The following GRXCR1 variants were observed in gnomAD, a reference collection of about 807,000 sequenced individuals.
GRXCR1 encodes glutaredoxin domain-containing cysteine-rich protein 1.
Under a neutral mutation model 27.3 loss-of-function variants are expected in GRXCR1, and 27 were observed. The observed-to-expected ratio is 0.99, with a 90% CI of 0.73 to 1.37. GRXCR1 has a LOEUF of 1.37. GRXCR1 is among the 40% of genes most tolerant of loss of function. The pLI, the probability that GRXCR1 is intolerant of heterozygous loss-of-function variation, is 0.00. For missense variants in GRXCR1, 379 were observed against 354.4 expected, an observed-to-expected ratio of 1.07 and a Z score of -0.56; for synonymous variants, 122 against 131.1, an observed-to-expected ratio of 0.93 and a Z score of 0.47.
chr4:42,973,285 C>T (rs552525390), intron 2 of GRXCR1, among the ~76,000 whole-genome samples: 33 of 152,232 alleles, frequency 2.2e-4, no homozygotes, highest in Admixed American at 1.8e-3. Context: ...GTATTGTCAG[C>T]GTTATCTAGG....
chr4:42,987,210 A>ATT (rs1283459049), intron 2 of GRXCR1, among the ~76,000 whole-genome samples: 3 of 42,368 alleles, frequency 7.1e-5, no homozygotes, highest in Admixed American at 3.9e-4. Flanking sequence ...TCATATATAT[A>ATT]TTATATATAT....
intron 1 of GRXCR1, among the ~76,000 whole-genome samples, chr4:42,935,975 CT>C (rs1050103920): frequency 5.9e-5 from 9 of 151,788 alleles, no homozygotes; most frequent in Non-Finnish European, 1.2e-4. Flanking sequence ...TCCCATCCTA[CT>C]TTTTTGTTTT....
chr4:42,955,030 T>C (rs1254804874), intron 1 of GRXCR1, among the ~76,000 whole-genome samples: 3 of 152,096 alleles, frequency 2.0e-5, no homozygotes, highest in African/African-American at 4.8e-5. Context: ...GAGCGATATA[T>C]GTAAAATTTC....
At chr4:42,945,478 G>T (rs1747721718) in intron 1 of GRXCR1, among the ~76,000 whole-genome samples, 1 of 151,780 alleles carries the variant, frequency 6.6e-6, no homozygotes, top group Non-Finnish European at 1.5e-5. Flanking sequence ...CCTTACCTTT[G>T]GGAGTGGTAA....
At chr4:42,961,821 A>G (rs1249493739) in intron 1 of GRXCR1, among the ~76,000 whole-genome samples, 1 of 151,990 alleles carries the variant, frequency 6.6e-6, no homozygotes, top group Non-Finnish European at 1.5e-5. Flanking sequence ...TTCTCTGCGT[A>G]CAAAGTGGTG....
intron 1 of GRXCR1, among the ~76,000 whole-genome samples, chr4:42,899,850 G>T (rs1746425265): frequency 6.6e-6 from 1 of 152,078 alleles, no homozygotes. Context: ...TGGAACATTG[G>T]TAATTCCCTG....
intron 2 of GRXCR1, among the ~76,000 whole-genome samples, chr4:43,017,308 A>G (rs1056032102): frequency 1.1e-4 from 16 of 152,104 alleles, no homozygotes; most frequent in Non-Finnish European, 2.2e-4. Flanking sequence ...CAATAATACA[A>G]TTGTGCTGTA....
chr4:42,971,063 C>G (rs1220053959), intron 2 of GRXCR1, among the ~76,000 whole-genome samples: 1 of 152,084 alleles, frequency 6.6e-6, no homozygotes, highest in Non-Finnish European at 1.5e-5. Flanking sequence ...CTGCAAATCT[C>G]CAGGGCAGGG....
At chr4:43,008,362 G>A (rs1297633616) in intron 2 of GRXCR1, among the ~76,000 whole-genome samples, 2 of 152,110 alleles carry the variant, frequency 1.3e-5, no homozygotes, top group African/African-American at 2.4e-5. Context: ...ATTTGCTCCT[G>A]TGTTTCATGA....
intron 2 of GRXCR1, among the ~76,000 whole-genome samples, chr4:42,972,523 T>G (rs1185152111): frequency 6.6e-6 from 1 of 152,146 alleles, no homozygotes; most frequent in Non-Finnish European, 1.5e-5. Flanking sequence ...CCTCTGTCCC[T>G]TTTTCCTGGA....
chr4:42,980,949 G>GT (rs1040515207), intron 2 of GRXCR1, among the ~76,000 whole-genome samples: 13 of 146,326 alleles, frequency 8.9e-5, no homozygotes, highest in Non-Finnish European at 1.5e-4. Flanking sequence ...GTTGGATCTT[G>GT]TTTTTTTTGT....
chr4:42,941,172 A>G, intron 1 of GRXCR1, among the ~76,000 whole-genome samples: 1 of 148,040 alleles, frequency 6.8e-6, no homozygotes, highest in Non-Finnish European at 1.5e-5. Context: ...TGTTGTGAGA[A>G]CTAAAATGAC....
At chr4:42,985,117 A>G (rs1371317827) in intron 2 of GRXCR1, among the ~76,000 whole-genome samples, 1 of 152,100 alleles carries the variant, frequency 6.6e-6, no homozygotes, top group Non-Finnish European at 1.5e-5. Context: ...TCTTCAATGC[A>G]TGTTTTCTGG....
chr4:42,898,315 AT>A (rs1417999139), intron 1 of GRXCR1, among the ~76,000 whole-genome samples: 27 of 151,876 alleles, frequency 1.8e-4, no homozygotes, highest in Non-Finnish European at 3.4e-4. Context: ...TTTGAATTGT[AT>A]TTTTAAAAGG....
chr4:42,971,803 G>C (rs1298406801), intron 2 of GRXCR1, among the ~76,000 whole-genome samples: 2 of 151,910 alleles, frequency 1.3e-5, no homozygotes, highest in Admixed American at 6.6e-5. Flanking sequence ...AAAAAAAAAT[G>C]CTCAAAGACA....
intron 2 of GRXCR1, among the ~76,000 whole-genome samples, chr4:43,002,187 T>C (rs142643563): frequency 1.9e-3 from 272 of 141,326 alleles, no homozygotes; most frequent in African/African-American, 6.4e-3. Context: ...CCTCTTTTAC[T>C]AATCCACCTC....
intron 1 of GRXCR1, among the ~76,000 whole-genome samples, chr4:42,928,991 T>C (rs971516285): frequency 1.3e-5 from 2 of 152,012 alleles, no homozygotes; most frequent in Admixed American, 1.3e-4. Flanking sequence ...TTTAAAAAGA[T>C]GTCAAAACAT....
rs1396830060 is a variant in GRXCR1 at position 42,968,700 on chromosome 4, A to AT, written c.627+5568dup. On this transcript the variant is annotated intron_variant, in intron 2 of 3. Coordinates refer to ENST00000399770, the MANE Select transcript of GRXCR1 (RefSeq NM_001080476.3). ...ACTCTTGCCATCATACCTGTATTCCATTCAGAAATGGAATAAAAAAGAAAA... is the reference window on the plus strand; with the variant it reads ...ACTCTTGCCATCATACCTGTATTCCATTTCAGAAATGGAATAAAAAAGAAAA... Among the ~76,000 whole-genome samples, 59 of 152,092 alleles carry AT rather than the reference A, an allele frequency of 3.9e-4. 1 individual carries two copies. Among genetic ancestry groups the AT allele is most frequent in the Non-Finnish European group, 8.1e-4 (55 of 68,004 alleles).
At chr4:43,014,766 A>C (rs1712878556) in intron 2 of GRXCR1, among the ~76,000 whole-genome samples, 1 of 152,300 alleles carries the variant, frequency 6.6e-6, no homozygotes, top group East Asian at 1.9e-4. Flanking sequence ...AATCACTAAA[A>C]GAAACACCCA....
Sources: allele counts gnomAD v4.1 joint callset (sites outside exome capture counted in the v4.1 genomes callset), GRCh38; gene constraint gnomAD v4.1.1; transcripts MANE v1.5; gene names NCBI Gene and HGNC (gene_info 2026-07-23, HGNC 2026-07-21).